SPINT2: variants seen among roughly 807,000 people sequenced by gnomAD.
SPINT2 encodes the protein kunitz-type protease inhibitor 2.
SPINT2 carries 18 observed loss-of-function variants against 30.1 expected under a neutral mutation model. The ratio of observed to expected loss-of-function variants is 0.60; its 90% CI spans 0.41 to 0.89. The LOEUF (loss-of-function observed/expected upper bound fraction) is 0.89. SPINT2 is among the 40% of genes least tolerant of loss of function. SPINT2 has a pLI of 0.00. For synonymous variants in SPINT2, 139 were observed against 137.9 expected (o/e 1.01, Z -0.05); for missense variants, 276 against 334.3 (o/e 0.83, Z 1.36).
At chr19:38,279,599 G>A (rs1600341988) in intron 1 of SPINT2, among the ~76,000 whole-genome samples, 1 of 152,168 alleles carries the variant, frequency 6.6e-6, no homozygotes, top group South Asian at 2.1e-4. Context: ...ACCAACATCT[G>A]TCTTTCAGAC....
chr19:38,279,693 G>A (rs1037216939), intron 1 of SPINT2, among the ~76,000 whole-genome samples: 6 of 151,804 alleles, frequency 4.0e-5, no homozygotes, highest in Non-Finnish European at 8.8e-5. Flanking sequence ...TTGCTCTGTC[G>A]CCCAGGCTGG....
chr19:38,284,123 G>A (rs1000890287), intron 2 of SPINT2, among the ~76,000 whole-genome samples: 11 of 151,900 alleles, frequency 7.2e-5, no homozygotes, highest in Non-Finnish European at 1.2e-4. Context: ...TTACAGGCAT[G>A]AGCCACTGCG....
chr19:38,281,869 C>T (rs79681512), intron 1 of SPINT2, among the ~76,000 whole-genome samples: 1,750 of 152,290 alleles, frequency 0.011, 42 homozygotes, highest in African/African-American at 0.041. Context: ...ATTCCCACCC[C>T]CAGTACCAAG....
At chr19:38,265,119 G>T (rs1968362688) in intron 1 of SPINT2, 121 bp downstream of exon 1, 1 of 867,208 alleles carries the variant, frequency 1.2e-6, no homozygotes, top group Non-Finnish European at 1.7e-6. Flanking sequence ...ATGGCGTTCA[G>T]CGGGTGTGGT....
chr19:38,276,677 A>G (rs998913180), intron 1 of SPINT2, among the ~76,000 whole-genome samples: 1 of 152,174 alleles, frequency 6.6e-6, no homozygotes, highest in Non-Finnish European at 1.5e-5. Flanking sequence ...TTTAATGGAT[A>G]TAAAAACATG....
At chr19:38,285,077 C>T (rs1247568936) in intron 2 of SPINT2, among the ~76,000 whole-genome samples, 1 of 152,128 alleles carries the variant, frequency 6.6e-6, no homozygotes, top group African/African-American at 2.4e-5. Context: ...AGCCAAGTTA[C>T]CGATCAAGTT....
chr19:38,279,366 G>T (rs570204981), intron 1 of SPINT2, among the ~76,000 whole-genome samples: 3 of 151,854 alleles, frequency 2.0e-5, no homozygotes, highest in Admixed American at 6.6e-5. Context: ...GTGTGATGGC[G>T]CAGTCCTATA....
chr19:38,271,406 G>A (rs1968454541), intron 1 of SPINT2, among the ~76,000 whole-genome samples: 1 of 152,008 alleles, frequency 6.6e-6, no homozygotes, highest in South Asian at 2.1e-4. Flanking sequence ...GCAGGAGAAT[G>A]GCGTGAACCC....
chr19:38,292,164 G>A lies in SPINT2; in HGVS notation c.*158G>A. ...TTCCTGGTCTGGCAGGGATGGGTTT[G>A]CTTTGGAAATCCTCTAGGAGGCTCC... On this transcript the variant is annotated 3_prime_UTR_variant, in exon 7 of 7. Coordinates refer to ENST00000301244, the MANE Select transcript of SPINT2 (RefSeq NM_021102.4). The A allele has an allele frequency of 9.5e-7, 1 of 1,054,154 alleles. No individual in the cohort carries two copies. Among genetic ancestry groups the A allele is most frequent in the Non-Finnish European group, 1.4e-6 (1 of 725,902 alleles). The allele number at this position is 1,054,154 out of a possible 1,614,324, so 65.3% of individuals were successfully genotyped here.
intron 2 of SPINT2, among the ~76,000 whole-genome samples, chr19:38,287,340 A>G (rs1482991093): frequency 6.6e-6 from 1 of 152,244 alleles, no homozygotes; most frequent in Admixed American, 6.5e-5. Context: ...CTGGGACTAC[A>G]GGCGCGTGCC....
intron 4 of SPINT2, 30 bp downstream of exon 4, chr19:38,289,221 G>T: frequency 6.2e-7 from 1 of 1,602,306 alleles, no homozygotes. Context: ...AGGTGCGGTG[G>T]CTCACACCTG....
chr19:38,276,042 A>G (rs923642972), intron 1 of SPINT2, among the ~76,000 whole-genome samples: 5 of 152,168 alleles, frequency 3.3e-5, no homozygotes, highest in African/African-American at 7.2e-5. Context: ...AAATTTTTAA[A>G]TGTCATTGAG....
At chr19:38,268,254 G>A (rs1194072239) in intron 1 of SPINT2, among the ~76,000 whole-genome samples, 2 of 152,134 alleles carry the variant, frequency 1.3e-5, no homozygotes, top group Non-Finnish European at 2.9e-5. Flanking sequence ...AGAGTGTCCT[G>A]ACTCCAACCT....
intron 1 of SPINT2, among the ~76,000 whole-genome samples, chr19:38,272,816 T>C (rs1331903379): frequency 6.6e-6 from 1 of 152,082 alleles, no homozygotes; most frequent in Non-Finnish European, 1.5e-5. Context: ...ACCTTCTGGG[T>C]TCAAGCGATT....
chr19:38,283,973 C>T (rs1456525471), intron 2 of SPINT2, among the ~76,000 whole-genome samples, 176 bp downstream of exon 2: 1 of 150,770 alleles, frequency 6.6e-6, no homozygotes, highest in Non-Finnish European at 1.5e-5. Flanking sequence ...TCCTGAGTAG[C>T]TGGGACTACG....
At chr19:38,285,933 C>A (rs1263867684) in intron 2 of SPINT2, among the ~76,000 whole-genome samples, 1 of 152,284 alleles carries the variant, frequency 6.6e-6, no homozygotes, top group East Asian at 1.9e-4. Context: ...AGGAAGGGAG[C>A]TGAAGTGTTG....
At chr19:38,265,139 C>T in intron 1 of SPINT2, 141 bp downstream of exon 1, 1 of 736,656 alleles carries the variant, frequency 1.4e-6, no homozygotes, top group East Asian at 2.8e-5. Flanking sequence ...TGGAACCAGC[C>T]CTGGAGGATT....
At position 38,290,403 on chromosome 19, in the gene SPINT2, C is replaced by G; in HGVS notation, c.553+123C>G. 6.3e-7 allele frequency: 1 copy of G among 1,585,688 alleles called. No individual in the cohort carries two copies. Among genetic ancestry groups the G allele is most frequent in the African/African-American group, 1.3e-5 (1 of 74,344 alleles). Reference sequence around the variant, plus strand: ...TGGGCCCACCAGGGCAGCAAGGCCTCTAAGCCCCAGAAAAGCTGGAAGAAA... The same window carrying G: ...TGGGCCCACCAGGGCAGCAAGGCCTGTAAGCCCCAGAAAAGCTGGAAGAAA... On this transcript the variant is annotated intron_variant, in intron 5 of 6. Coordinates refer to ENST00000301244, the MANE Select transcript of SPINT2 (RefSeq NM_021102.4). The surrounding 1 kb of genome is among the most constrained non-coding windows in gnomAD (Gnocchi z 4.3).
intron 1 of SPINT2, among the ~76,000 whole-genome samples, chr19:38,277,827 C>G (rs941431711): frequency 1.3e-5 from 2 of 152,194 alleles, no homozygotes; most frequent in African/African-American, 4.8e-5. Flanking sequence ...GAAAGTTACT[C>G]TTCCCTAAAG....
Sources: allele counts gnomAD v4.1 joint callset (sites outside exome capture counted in the v4.1 genomes callset), GRCh38; gene constraint gnomAD v4.1.1; non-coding constraint Gnocchi (gnomAD v3.1); transcripts MANE v1.5; gene names NCBI Gene and HGNC (gene_info 2026-07-23, HGNC 2026-07-21).